ZNF251: variants seen among roughly 807,000 people sequenced by gnomAD.
The protein encoded by ZNF251 is zinc finger protein 251.
ZNF251 carries 14 observed loss-of-function variants against 13.5 expected under a neutral mutation model. The ratio of observed to expected loss-of-function variants is 1.04; its 90% CI spans 0.69 to 1.63. The LOEUF (loss-of-function observed/expected upper bound fraction) is 1.63. ZNF251 is among the 40% of genes most tolerant of loss of function. The probability of loss-of-function intolerance (pLI) is 0.00; values close to 1 mark genes in which losing one functional copy is unlikely to be tolerated. For missense variants in ZNF251, 764 were observed against 834.9 expected (o/e 0.92, Z 1.05); for synonymous variants, 287 against 295.2 (o/e 0.97, Z 0.28).
intron 4 of ZNF251, among the ~76,000 whole-genome samples, chr8:144,739,479 TACA>T (rs1824059928): frequency 6.6e-6 from 1 of 152,164 alleles, no homozygotes; most frequent in Admixed American, 6.5e-5. Context: ...GACTCCAACC[TACA>T]GGGCTTTCTA....
At chr8:144,723,428 C>A in intron 4 of ZNF251, 46 bp from the exon 5 acceptor site, 3 of 1,364,052 alleles carry the variant, frequency 2.2e-6, no homozygotes, top group Non-Finnish European at 2.9e-6. Flanking sequence ...AACCTTCCAT[C>A]AGGCATAATG....
chr8:144,741,798 T>C (rs1214225913), intron 4 of ZNF251, among the ~76,000 whole-genome samples: 3 of 152,194 alleles, frequency 2.0e-5, no homozygotes, highest in Non-Finnish European at 4.4e-5. Context: ...GAACAGAAAT[T>C]ATCTGAAGAA....
chr8:144,730,982 G>A (rs533846267), intron 4 of ZNF251, among the ~76,000 whole-genome samples: 1 of 152,344 alleles, frequency 6.6e-6, no homozygotes, highest in South Asian at 2.1e-4. Context: ...CTTGGGCACT[G>A]TGTCGCGCAG....
chr8:144,724,741 C>A (rs955376698), intron 4 of ZNF251, among the ~76,000 whole-genome samples: 1 of 152,082 alleles, frequency 6.6e-6, no homozygotes, highest in East Asian at 1.9e-4. Flanking sequence ...ACAATTCTAC[C>A]ATTATTATAA....
chr8:144,755,530 A>AGGGCG lies in ZNF251; in HGVS notation c.-202_-201insCGCCC. 7.8e-7 allele frequency: 1 copy of AGGGCG among 1,282,300 alleles called. No individual in the cohort carries two copies. The highest frequency in any genetic ancestry group is 1.0e-6 in the Non-Finnish European group (1 of 985,948). The allele number at this position is 1,282,300 out of a possible 1,614,324, so 79.4% of individuals were successfully genotyped here. A position where few individuals can be genotyped will look rare whatever the true frequency, so the allele number is the denominator to read the frequency against. ...GGGGAGGGGGCGGGCTAGGATGAAG[A>AGGGCG]GGGCGGGCCGGGCCGAGCTGCGCAC... On this transcript the variant is annotated 5_prime_UTR_variant, in exon 1 of 5. Transcript: ENST00000292562.
At chr8:144,723,458 T>G (rs1437652819) in intron 4 of ZNF251, 76 bp from the exon 5 acceptor site, 1 of 1,134,900 alleles carries the variant, frequency 8.8e-7, no homozygotes, top group Non-Finnish European at 1.2e-6. Context: ...TGGTAGAAGC[T>G]CCTATAAACC....
intron 4 of ZNF251, chr8:144,730,013 G>A (rs1245784951): frequency 1.0e-6 from 1 of 984,770 alleles, no homozygotes; most frequent in Non-Finnish European, 1.2e-6. Context: ...GTTCCCAGGA[G>A]CGGGTGCCCT....
In ZNF251 at chr8:144,754,231, C is replaced by G. The variant is rs765709241; in HGVS notation, c.124G>C (p.Asp42His). The change falls in exon 3 of 5, where the codon GAT becomes CAT. Residue 42 changes from aspartate (D) to histidine (H), a missense_variant. By Grantham distance (81) the Asp-to-His change is moderately conservative (BLOSUM62 -1). Coordinates refer to ENST00000292562, the MANE Select transcript of ZNF251 (RefSeq NM_138367.2). The stretch of plus-strand genomic sequence containing the variant: ...TTCCCATAGTTCTCCAGCATCACAT[C>G]CCGGTAGAGCGCCCGCTGCTGGGGG... ...LGPQQRALYRDVMLENYGNVA... is the reference protein window; with the variant it reads ...LGPQQRALYRHVMLENYGNVA... 2 of 1,614,086 alleles carry G rather than the reference C, an allele frequency of 1.2e-6. No homozygotes were observed. Among genetic ancestry groups the G allele is most frequent in the South Asian group, 2.2e-5 (2 of 91,080 alleles).
At chr8:144,746,899 G>A (rs1824455119) in intron 4 of ZNF251, among the ~76,000 whole-genome samples, 1 of 151,794 alleles carries the variant, frequency 6.6e-6, no homozygotes, top group Non-Finnish European at 1.5e-5. Context: ...TGATTTTATT[G>A]TTTTTTCAAA....
In ZNF251 at chr8:144,723,260, G is replaced by C. The variant is rs750800326; in HGVS notation, c.400C>G (p.Arg134Gly). The C allele has an allele frequency of 1.2e-5, 20 of 1,613,090 alleles. No homozygotes were observed. In the Admixed American group the frequency reaches 3.3e-4, roughly 27 times the overall value. Reference protein sequence around the residue: ...LRDNAQAAEFREAWGREGKLK... With the variant: ...LRDNAQAAEFGEAWGREGKLK... Reference sequence around the variant, plus strand: ...TTGCCCTCACGGCCCCATGCTTCCCGAAACTCAGCGGCCTGTGCATTATCC... The same window carrying C: ...TTGCCCTCACGGCCCCATGCTTCCCCAAACTCAGCGGCCTGTGCATTATCC... Residue 134 changes from arginine (R) to glycine (G), a missense_variant, in exon 5 of 5, where the codon CGG becomes GGG. Coordinates refer to ENST00000292562, the MANE Select transcript of ZNF251 (RefSeq NM_138367.2).
At chr8:144,754,434 G>A (rs1586714180) in intron 2 of ZNF251, 113 bp from the exon 3 acceptor site, 12 of 1,452,342 alleles carry the variant, frequency 8.3e-6, no homozygotes, top group Middle Eastern at 2.4e-4. Flanking sequence ...TGGTCAGTAT[G>A]AACTGTGTAT....
chr8:144,750,742 C>T (rs1824652584), intron 4 of ZNF251, among the ~76,000 whole-genome samples: 1 of 152,068 alleles, frequency 6.6e-6, no homozygotes, highest in Non-Finnish European at 1.5e-5. Context: ...AGCAATTTGC[C>T]AGTTACATTT....
chr8:144,739,378 G>A (rs922198637), intron 4 of ZNF251, among the ~76,000 whole-genome samples: 5 of 142,524 alleles, frequency 3.5e-5, no homozygotes, highest in African/African-American at 1.0e-4. Flanking sequence ...CCACTCCCCC[G>A]CCTAAACTAG....
chr8:144,734,352 C>T lies in ZNF251; in HGVS notation c.278-10970G>A, dbSNP rs146221572. 1.1e-3 allele frequency among the ~76,000 whole-genome samples: 174 copies of T among 152,326 alleles called. No individual in the cohort carries two copies. The highest frequency in any genetic ancestry group is 2.0e-3 in the Non-Finnish European group (136 of 68,036). On this transcript the variant is annotated intron_variant, in intron 4 of 4. Coordinates refer to ENST00000292562, the MANE Select transcript of ZNF251 (RefSeq NM_138367.2). The surrounding 1 kb of genome is among the most constrained non-coding windows in gnomAD (Gnocchi z 4.4). ...TGTCGGCCCTGTCCCCCAACTCCAG[C>T]GGGTGTCACGGGTCTAATCCCTGGC...
rs556419511 is a variant in ZNF251, at chr8:144,739,473, C to A, written c.277+14210G>T. On this transcript the variant is annotated intron_variant, in intron 4 of 4. Coordinates refer to ENST00000292562, the MANE Select transcript of ZNF251 (RefSeq NM_138367.2). ...CCAACTATGGACTTGCAACTAGACT[C>A]CAACCTACAGGGCTTTCTACAAAAT... Among the ~76,000 whole-genome samples, 12 of 152,336 alleles carry A rather than the reference C, an allele frequency of 7.9e-5. No individual in the cohort carries two copies. The East Asian group carries it at 2.3e-3, about 29-fold the overall frequency.
In ZNF251 at chr8:144,732,918, T is replaced by C. The variant is rs530304195; in HGVS notation, c.278-9536A>G. ...ACTAGCAGCAGTAATAATTTGCTTG[T>C]ATGTAATAAATTGTTGATAAAGGCC... is the stretch of plus-strand genomic sequence containing the variant. On this transcript the variant is annotated intron_variant, in intron 4 of 4. Coordinates refer to ENST00000292562, the MANE Select transcript of ZNF251 (RefSeq NM_138367.2). Among the ~76,000 whole-genome samples, 4 of 151,402 alleles carry C rather than the reference T, an allele frequency of 2.6e-5. No homozygotes were observed. In the South Asian group the frequency reaches 8.4e-4, roughly 32 times the overall value.
chr8:144,729,336 T>C (rs1264497672), intron 4 of ZNF251, among the ~76,000 whole-genome samples: 1 of 74,752 alleles, frequency 1.3e-5, no homozygotes, highest in African/African-American at 3.4e-5. Flanking sequence ...TTTATTTTTA[T>C]TTTTTTTTTT....
chr8:144,755,308 C>A, intron 1 of ZNF251, 97 bp downstream of exon 1: 1 of 1,276,256 alleles, frequency 7.8e-7, no homozygotes. Context: ...CCAGAACAGG[C>A]TCCTCCTGGA....
chr8:144,754,828 A>T, intron 1 of ZNF251, 25 bp from the exon 2 acceptor site: 7 of 1,527,412 alleles, frequency 4.6e-6, no homozygotes, highest in Non-Finnish European at 6.2e-6. Flanking sequence ...ACTCAGGCTC[A>T]GCCCCATTCA....
Sources: allele counts gnomAD v4.1 joint callset (sites outside exome capture counted in the v4.1 genomes callset), GRCh38; gene constraint gnomAD v4.1.1; non-coding constraint Gnocchi (gnomAD v3.1); transcripts MANE v1.5; gene names NCBI Gene and HGNC (gene_info 2026-07-23, HGNC 2026-07-21).